SLC4A7: variants seen among roughly 807,000 people sequenced by gnomAD.
SLC4A7 encodes the protein solute carrier family 4 member 7.
Under a neutral mutation model 137.6 loss-of-function variants are expected in SLC4A7, and 51 were observed. The observed-to-expected ratio is 0.37, with a 90% CI of 0.30 to 0.47. The LOEUF (loss-of-function observed/expected upper bound fraction) is 0.47, where lower values mean the gene tolerates loss of function less well. Ranked by LOEUF, SLC4A7 falls within the 20% of genes least tolerant of loss-of-function variation. SLC4A7 has a pLI of 1.00. For synonymous variants in SLC4A7, 542 were observed against 518.6 expected, an observed-to-expected ratio of 1.05 and a Z score of -0.61; for missense variants, 1,247 against 1,525.4, an observed-to-expected ratio of 0.82 and a Z score of 3.04.
At position 27,484,185 on chromosome 3, in the gene SLC4A7, T is replaced by TCTGCCG. The variant is rs1026723342; in HGVS notation, c.-65_-60dup. ...TACTGCCCCGCGCGGTCTGCCTGCT[T>TCTGCCG]CTGCCGCTGCCCCTGCCGCCGCCGC... On this transcript the variant is annotated 5_prime_UTR_variant, in exon 1 of 26. Coordinates refer to ENST00000454389, the MANE Select transcript of SLC4A7 (RefSeq NM_001321103.2). 1 of 1,215,780 alleles carries TCTGCCG rather than the reference T, an allele frequency of 8.2e-7. No homozygotes were observed. Among genetic ancestry groups the TCTGCCG allele is most frequent in the African/African-American group, 1.6e-5 (1 of 63,052 alleles). The allele number at this position is 1,215,780 out of a possible 1,614,324, so 75.3% of individuals were successfully genotyped here. A position where few individuals can be genotyped will look rare whatever the true frequency, so the allele number is the denominator to read the frequency against.
intron 7 of SLC4A7, 124 bp from the exon 8 acceptor site, chr3:27,424,276 A>G (rs2055314213): frequency 1.9e-6 from 1 of 527,714 alleles, no homozygotes. Flanking sequence ...GTTAAAAAAA[A>G]TAAGTGCCCG....
At chr3:27,441,799 T>A (rs2150448018) in intron 3 of SLC4A7, among the ~76,000 whole-genome samples, 1 of 152,244 alleles carries the variant, frequency 6.6e-6, no homozygotes, top group Admixed American at 6.5e-5. Flanking sequence ...TTAATGCATT[T>A]CTGTTTGCTA....
chr3:27,482,773 A>AAAT (rs146284429), intron 1 of SLC4A7, among the ~76,000 whole-genome samples: 28,043 of 151,812 alleles, frequency 0.18, 2,934 homozygotes, highest in Non-Finnish European at 0.25. Flanking sequence ...CTCTGTCTCA[A>AAAT]AATAATAATA....
intron 24 of SLC4A7, among the ~76,000 whole-genome samples, chr3:27,381,186 C>T (rs1293910818): frequency 6.6e-6 from 1 of 152,168 alleles, no homozygotes; most frequent in Non-Finnish European, 1.5e-5. Context: ...TATGACACCA[C>T]TTAAAAGACA....
chr3:27,458,251 C>A (rs921433892), intron 1 of SLC4A7, among the ~76,000 whole-genome samples: 1 of 152,094 alleles, frequency 6.6e-6, no homozygotes, highest in Non-Finnish European at 1.5e-5. Context: ...ACCCTCAATT[C>A]TATAAGCTAG....
intron 11 of SLC4A7, among the ~76,000 whole-genome samples, chr3:27,415,749 A>T (rs1258837223): frequency 1.3e-5 from 2 of 152,212 alleles, no homozygotes; most frequent in Non-Finnish European, 2.9e-5. Flanking sequence ...TCGTAAAATG[A>T]CTGCTTTTTC....
At chr3:27,443,181 C>A (rs772441922) in intron 3 of SLC4A7, among the ~76,000 whole-genome samples, 1 of 151,728 alleles carries the variant, frequency 6.6e-6, no homozygotes, top group Non-Finnish European at 1.5e-5. Flanking sequence ...CAGGAACGTG[C>A]CAAAACGCCT....
chr3:27,469,194 C>A (rs2059134474), intron 1 of SLC4A7, among the ~76,000 whole-genome samples: 1 of 152,194 alleles, frequency 6.6e-6, no homozygotes, highest in Non-Finnish European at 1.5e-5. Context: ...TCACAACAAT[C>A]ATCACCGTAG....
At position 27,443,085 on chromosome 3, in the gene SLC4A7, G is replaced by A. The variant is rs1313636721; in HGVS notation, c.290-5559C>T. Among the ~76,000 whole-genome samples the A allele has an allele frequency of 2.9e-5, 4 of 136,266 alleles. 1 individual carries two copies. The highest frequency in any genetic ancestry group is 4.7e-4 in the South Asian group (2 of 4,278). The allele number at this position is 136,266 out of a possible 152,430, so 89.4% of individuals were successfully genotyped here. A position where few individuals can be genotyped will look rare whatever the true frequency, so the allele number is the denominator to read the frequency against. The stretch of plus-strand genomic sequence containing the variant: ...TTCCCTCTGTCGCCCAGGCTGGAGT[G>A]CAGTGGTGAGATCTCAGCTCACTGC... On this transcript the variant is annotated intron_variant, in intron 3 of 25. Coordinates refer to ENST00000454389, the MANE Select transcript of SLC4A7 (RefSeq NM_001321103.2).
chr3:27,410,751 A>C (rs758242217), intron 12 of SLC4A7, among the ~76,000 whole-genome samples: 1 of 152,208 alleles, frequency 6.6e-6, no homozygotes, highest in Non-Finnish European at 1.5e-5. Flanking sequence ...ATAATACAAC[A>C]GTACTGTTCA....
intron 5 of SLC4A7, 147 bp downstream of exon 5, chr3:27,436,241 T>C: frequency 1.9e-6 from 1 of 520,810 alleles, no homozygotes. Context: ...TAATTTAATC[T>C]CATCTGCAAA....
rs1559667561 is a variant in SLC4A7 at position 27,400,786 on chromosome 3, G to A, written c.2405C>T (p.Ser802Phe). 6.3e-7 allele frequency: 1 copy of A among 1,599,236 alleles called. No homozygotes were observed. Among genetic ancestry groups the A allele is most frequent in the Admixed American group, 1.7e-5 (1 of 59,784 alleles). ...CACAGAAACAGTAAGATTTCTCCAGGAAATATTGTGTGCTGTTATATTATC... is the reference window on the plus strand; with the variant it reads ...CACAGAAACAGTAAGATTTCTCCAGAAAATATTGTGTGCTGTTATATTATC... ...KKDNITAHNI[S>F]WRNLTVSECK... The change falls in exon 16 of 26, where the codon TCC (serine) becomes TTC (phenylalanine). Residue 802 changes from serine to phenylalanine, a missense_variant. Ser to Phe is a radical substitution (Grantham distance 155). Transcript: ENST00000454389.
intron 1 of SLC4A7, among the ~76,000 whole-genome samples, chr3:27,474,588 G>A (rs1278512824): frequency 6.6e-6 from 1 of 151,852 alleles, no homozygotes; most frequent in East Asian, 1.9e-4. Flanking sequence ...GCGGGCACCT[G>A]TAATCCCATC....
intron 1 of SLC4A7, among the ~76,000 whole-genome samples, chr3:27,470,055 GTATCT>G (rs1185969437): frequency 1.3e-5 from 2 of 152,102 alleles, no homozygotes; most frequent in African/African-American, 2.4e-5. Flanking sequence ...AACATTCCAT[GTATCT>G]TATCTTTCTT....
At chr3:27,470,226 C>CTT (rs199664626) in intron 1 of SLC4A7, among the ~76,000 whole-genome samples, 79 of 142,682 alleles carry the variant, frequency 5.5e-4, no homozygotes, top group African/African-American at 1.9e-3. Flanking sequence ...AATTGTAGAT[C>CTT]TTTTTTTTTT....
At chr3:27,420,658 A>T (rs2054875106) in intron 10 of SLC4A7, 42 bp downstream of exon 10, 1 of 1,220,184 alleles carries the variant, frequency 8.2e-7, no homozygotes, top group Non-Finnish European at 1.2e-6. Context: ...TATGCTGCAT[A>T]ATTAGTGTCT....
chr3:27,399,007 G>C (rs1378150262), intron 16 of SLC4A7, among the ~76,000 whole-genome samples: 1 of 143,312 alleles, frequency 7.0e-6, no homozygotes, highest in South Asian at 2.1e-4. Flanking sequence ...TTTCCTTTAG[G>C]GAAAAAAAAA....
rs925654458 is a variant in SLC4A7 at position 27,434,166 on chromosome 3, CTG to C, written c.590-64_590-63del. ...CAGATGACCATAATATAGGAATAAA[CTG>C]TGAGTGAAACCTTATGACAAAAATT... On this transcript the variant is annotated intron_variant, in intron 5 of 25. Coordinates refer to ENST00000454389, the MANE Select transcript of SLC4A7 (RefSeq NM_001321103.2). 9 of 1,236,048 alleles carry C rather than the reference CTG, an allele frequency of 7.3e-6. No homozygotes were observed. The African/African-American group carries it at 9.3e-5, about 13-fold the overall frequency. The allele number at this position is 1,236,048 out of a possible 1,614,324, so 76.6% of individuals were successfully genotyped here. A position where few individuals can be genotyped will look rare whatever the true frequency, so the allele number is the denominator to read the frequency against.
intron 1 of SLC4A7, among the ~76,000 whole-genome samples, chr3:27,473,705 CAAAAA>C (rs747183440): frequency 1.0e-4 from 6 of 59,462 alleles, no homozygotes; most frequent in Admixed American, 2.5e-4. Flanking sequence ...GACCTCATGT[CAAAAA>C]AAAAAAAAAA....
Sources: gnomAD v4.1 joint callset for allele counts (sites outside exome capture counted in the v4.1 genomes callset) on GRCh38, gnomAD v4.1.1 for gene constraint, MANE v1.5 for transcripts, NCBI Gene and HGNC (gene_info 2026-07-23, HGNC 2026-07-21) for gene names.